Variants in CCSER1 observed in about 807,000 individuals in gnomAD.
CCSER1 encodes the protein coiled-coil serine rich protein 1, also known as serine-rich coiled-coil domain-containing protein 1.
CCSER1 carries 41 observed loss-of-function variants against 82.0 expected under a neutral mutation model. The observed-to-expected ratio is 0.50, with a 90% confidence interval of 0.39 to 0.65. The LOEUF (loss-of-function observed/expected upper bound fraction) is 0.65, where lower values mean the gene tolerates loss of function less well. Ranked by LOEUF, CCSER1 falls within the 30% of genes least tolerant of loss-of-function variation. The pLI is 0.00. For synonymous variants in CCSER1, 414 were observed against 383.9 expected (o/e 1.08, Z -0.92); for missense variants, 1,119 against 1,064.2 (o/e 1.05, Z -0.72).
chr4:91,068,242 G>A (rs1721047285), intron 9 of CCSER1, among the ~76,000 whole-genome samples: 1 of 152,188 alleles, frequency 6.6e-6, no homozygotes, highest in Admixed American at 6.5e-5. Context: ...AATTGAAGTA[G>A]ATATCATAGA....
intron 8 of CCSER1, among the ~76,000 whole-genome samples, chr4:90,832,930 C>T (rs1424682707): frequency 6.6e-6 from 1 of 151,972 alleles, no homozygotes; most frequent in Admixed American, 6.6e-5. Context: ...ATATGTTATC[C>T]TATTTATAGT....
At chr4:91,163,072 G>T (rs1410001918) in intron 10 of CCSER1, among the ~76,000 whole-genome samples, 1 of 152,158 alleles carries the variant, frequency 6.6e-6, no homozygotes, top group African/African-American at 2.4e-5. Flanking sequence ...GGCATTTAGT[G>T]CTATAAATTT....
intron 3 of CCSER1, among the ~76,000 whole-genome samples, chr4:90,345,337 T>C (rs1379187335): frequency 6.6e-6 from 1 of 152,190 alleles, no homozygotes; most frequent in East Asian, 1.9e-4. Flanking sequence ...GCAGGTTTAT[T>C]ATTTTGGAAT....
intron 9 of CCSER1, among the ~76,000 whole-genome samples, chr4:90,928,138 AT>A (rs1171272544): frequency 5.9e-5 from 9 of 152,068 alleles, no homozygotes; most frequent in African/African-American, 2.2e-4. Context: ...TATCTCAAAT[AT>A]TTCTGTTTAT....
chr4:91,482,145 G>C (rs554327923), intron 10 of CCSER1, among the ~76,000 whole-genome samples: 1 of 151,466 alleles, frequency 6.6e-6, no homozygotes, highest in Non-Finnish European at 1.5e-5. Flanking sequence ...GCTCACGCCT[G>C]TAATCCCAGC....
At chr4:91,156,965 C>T (rs1730883025) in intron 10 of CCSER1, among the ~76,000 whole-genome samples, 1 of 151,906 alleles carries the variant, frequency 6.6e-6, no homozygotes, top group Non-Finnish European at 1.5e-5. Flanking sequence ...TATTTTCTTC[C>T]ATGTACGACG....
rs775564758 is a variant in CCSER1 at position 91,002,038 on chromosome 4, C to T, written c.2172+78591C>T. On this transcript the variant is annotated intron_variant, in intron 9 of 10. Coordinates refer to ENST00000509176, the MANE Select transcript of CCSER1 (RefSeq NM_001145065.2). ...GCTTAGTTTTGCTGGATCCAAAATT[C>T]GTGCCTGATAATTGTTCTGTTTAAA... 3.3e-5 allele frequency among the ~76,000 whole-genome samples: 5 copies of T among 152,082 alleles called. No individual in the cohort carries two copies. In the East Asian group the frequency reaches 5.8e-4, roughly 18 times the overall value.
chr4:90,439,012 G>T (rs2153571372), intron 4 of CCSER1, among the ~76,000 whole-genome samples: 1 of 152,194 alleles, frequency 6.6e-6, no homozygotes, highest in East Asian at 1.9e-4. Context: ...AAAAAGCCTT[G>T]GCTGGGCACG....
intron 3 of CCSER1, among the ~76,000 whole-genome samples, chr4:90,368,143 A>G (rs6842950): frequency 0.27 from 41,263 of 151,650 alleles, 6,838 homozygotes; most frequent in African/African-American, 0.46. Context: ...ATTAACAGAT[A>G]GGAAGTTCTG....
At chr4:90,876,522 A>C (rs1767225985) in intron 8 of CCSER1, among the ~76,000 whole-genome samples, 1 of 152,140 alleles carries the variant, frequency 6.6e-6, no homozygotes, top group African/African-American at 2.4e-5. Flanking sequence ...AAAGACATAA[A>C]ATTTCAAAAA....
intron 3 of CCSER1, among the ~76,000 whole-genome samples, chr4:90,357,535 G>A (rs1160440544): frequency 6.6e-6 from 1 of 151,946 alleles, no homozygotes; most frequent in Non-Finnish European, 1.5e-5. Flanking sequence ...ATACTCTTGG[G>A]AAATGAGAAA....
intron 10 of CCSER1, among the ~76,000 whole-genome samples, chr4:91,382,929 T>C (rs2149340593): frequency 6.6e-6 from 1 of 151,796 alleles, no homozygotes; most frequent in Admixed American, 6.6e-5. Flanking sequence ...TTAGCATCCA[T>C]CAATATCGAG....
At chr4:91,578,572 CT>C (rs1763566854) in intron 10 of CCSER1, among the ~76,000 whole-genome samples, 1 of 151,820 alleles carries the variant, frequency 6.6e-6, no homozygotes, top group African/African-American at 2.4e-5. Context: ...AAATTGATGG[CT>C]AGAATGCTTC....
chr4:90,565,531 TAG>T (rs2153650484), intron 5 of CCSER1, among the ~76,000 whole-genome samples: 1 of 152,358 alleles, frequency 6.6e-6, no homozygotes, highest in South Asian at 2.1e-4. Flanking sequence ...TTGATCTGGC[TAG>T]AGTTTCCAGT....
chr4:90,275,409 T>A (rs1265529347), intron 1 of CCSER1, among the ~76,000 whole-genome samples: 1 of 152,108 alleles, frequency 6.6e-6, no homozygotes, highest in Admixed American at 6.6e-5. Flanking sequence ...AAAAGGGGCA[T>A]ACTGAAGAGG....
chr4:90,357,870 T>G (rs1329963561), intron 3 of CCSER1, among the ~76,000 whole-genome samples: 2 of 152,028 alleles, frequency 1.3e-5, no homozygotes, highest in African/African-American at 2.4e-5. Context: ...TCTCAGTTTT[T>G]AAAGCTTTAC....
At chr4:91,002,857 G>A (rs1432292627) in intron 9 of CCSER1, among the ~76,000 whole-genome samples, 1 of 152,114 alleles carries the variant, frequency 6.6e-6, no homozygotes, top group South Asian at 2.1e-4. Context: ...GTTTTTTCTG[G>A]TTCCTTCTCA....
chr4:91,183,528 G>A (rs969472287), intron 10 of CCSER1, among the ~76,000 whole-genome samples: 1 of 152,130 alleles, frequency 6.6e-6, no homozygotes, highest in Admixed American at 6.5e-5. Context: ...CTGTATTTAT[G>A]CCTTCGTGAG....
Position 91,599,124 on chromosome 4 carries a change from A to G in CCSER1, c.*67A>G. 2.1e-6 allele frequency: 3 copies of G among 1,411,318 alleles called. No individual in the cohort carries two copies. The Admixed American group carries it at 8.6e-5, about 41-fold the overall frequency. The allele number at this position is 1,411,318 out of a possible 1,614,324, so 87.4% of individuals were successfully genotyped here. A position where few individuals can be genotyped will look rare whatever the true frequency, so the allele number is the denominator to read the frequency against. ...TTAGTGTTTCTCGTGCATAGTTCAT[A>G]TTAAAATTGTCATGTACTTTTTCTT... On this transcript the variant is annotated 3_prime_UTR_variant, in exon 11 of 11. Transcript: ENST00000509176.
Sources: allele counts gnomAD v4.1 joint callset (sites outside exome capture counted in the v4.1 genomes callset), GRCh38; gene constraint gnomAD v4.1.1; transcripts MANE v1.5; gene names NCBI Gene and HGNC (gene_info 2026-07-23, HGNC 2026-07-21).